Variants in EYA4 observed in about 807,000 individuals in gnomAD.
The protein encoded by EYA4 is protein phosphatase EYA4.
In EYA4, 31 loss-of-function variants were observed where a neutral mutation model predicts 87.9. The ratio of observed to expected loss-of-function variants is 0.35; its 90% CI spans 0.27 to 0.48. The LOEUF (loss-of-function observed/expected upper bound fraction) is 0.48, where lower values mean the gene tolerates loss of function less well. EYA4 is among the 20% of genes least tolerant of loss of function. The pLI is 0.99. For missense variants in EYA4, 678 were observed against 761.4 expected, an observed-to-expected ratio of 0.89 and a Z score of 1.29; for synonymous variants, 263 against 270.6, an observed-to-expected ratio of 0.97 and a Z score of 0.28.
chr6:133,418,401 G>T lies in EYA4; in HGVS notation c.84-28229G>T, dbSNP rs1789929160. Among the ~76,000 whole-genome samples, 4 of 152,288 alleles carry T rather than the reference G, an allele frequency of 2.6e-5. No homozygotes were observed. In the South Asian group the frequency reaches 8.3e-4, roughly 32 times the overall value. On this transcript the variant is annotated intron_variant, in intron 3 of 19. Transcript: ENST00000355286. ...ATCTTACAAATCTCCTCTCCCCACAGTGCCTTACACAGCACCTTGTCTGTA... is the reference window on the plus strand; with the variant it reads ...ATCTTACAAATCTCCTCTCCCCACATTGCCTTACACAGCACCTTGTCTGTA...
chr6:133,258,781 A>G (rs1196530094), intron 1 of EYA4, among the ~76,000 whole-genome samples: 1 of 152,084 alleles, frequency 6.6e-6, no homozygotes, highest in Non-Finnish European at 1.5e-5. Context: ...GAACTTGTAG[A>G]TTCTACAAAG....
At chr6:133,293,983 TAC>T (rs1778704310) in intron 2 of EYA4, among the ~76,000 whole-genome samples, 1 of 45,040 alleles carries the variant, frequency 2.2e-5, no homozygotes, top group African/African-American at 3.2e-4. Context: ...ATATATATAT[TAC>T]ATATATATAT....
rs1460566650 is a variant in EYA4 at position 133,430,523 on chromosome 6, A to G, written c.84-16107A>G. Among the ~76,000 whole-genome samples, 3 of 152,210 alleles carry G rather than the reference A, an allele frequency of 2.0e-5. No homozygotes were observed. In the South Asian group the frequency reaches 6.2e-4, roughly 32 times the overall value. Reference sequence around the variant, plus strand: ...ATTATTAAATTGTTCTACTTTTCATATTTAAGGATGAAAAATATTAGAGAT... The same window carrying G: ...ATTATTAAATTGTTCTACTTTTCATGTTTAAGGATGAAAAATATTAGAGAT... On this transcript the variant is annotated intron_variant, in intron 3 of 19. Transcript: ENST00000355286.
rs560437197 is a variant in EYA4 at position 133,248,619 on chromosome 6, A to G, written c.-66+6870A>G. On this transcript the variant is annotated intron_variant, in intron 1 of 19. Transcript: ENST00000355286. ...TAATGTTTTCAGTATGTTGAAAGTG[A>G]TGATGACTTGGGGGAATCAGCAGAT... is the stretch of plus-strand genomic sequence containing the variant. The G allele has an allele frequency of 2.0e-5, 3 of 152,356 alleles. No individual in the cohort carries two copies. The South Asian group carries it at 6.2e-4, about 32-fold the overall frequency. 9.4% of individuals were successfully genotyped at this position (152,356 alleles called of 1,614,324 possible).
At chr6:133,523,939 G>A (rs1188529441) in intron 18 of EYA4, among the ~76,000 whole-genome samples, 1 of 152,166 alleles carries the variant, frequency 6.6e-6, no homozygotes. Context: ...ATTGACAAGA[G>A]AAGTTCAAAA....
chr6:133,241,770 A>G (rs947680937), intron 1 of EYA4, 21 bp downstream of exon 1: 2 of 151,204 alleles, frequency 1.3e-5, no homozygotes, highest in African/African-American at 4.9e-5. Flanking sequence ...CCTTCTTCCA[A>G]CCCCCGCCCC....
chr6:133,498,376 A>T (rs1465756870), intron 13 of EYA4, among the ~76,000 whole-genome samples: 2 of 152,208 alleles, frequency 1.3e-5, no homozygotes, highest in African/African-American at 4.8e-5. Context: ...AAGGAGAATA[A>T]TAAAAGTAGT....
chr6:133,482,137 T>A (rs768129794), intron 12 of EYA4, among the ~76,000 whole-genome samples: 1 of 152,258 alleles, frequency 6.6e-6, no homozygotes, highest in Non-Finnish European at 1.5e-5. Flanking sequence ...TAAGCAGGGT[T>A]GATTTTTATA....
intron 3 of EYA4, among the ~76,000 whole-genome samples, chr6:133,407,040 T>C (rs1410669123): frequency 6.6e-6 from 1 of 152,204 alleles, no homozygotes; most frequent in East Asian, 1.9e-4. Flanking sequence ...TGGTATGACA[T>C]ATCTCAGTGT....
chr6:133,305,357 C>T, intron 2 of EYA4, among the ~76,000 whole-genome samples: 1 of 152,032 alleles, frequency 6.6e-6, no homozygotes, highest in East Asian at 1.9e-4. Flanking sequence ...TGAGAATAGC[C>T]TAGCTAGGGC....
chr6:133,474,046 C>G (rs1795509197), intron 11 of EYA4, among the ~76,000 whole-genome samples: 1 of 152,018 alleles, frequency 6.6e-6, no homozygotes. Context: ...ATTTCACGAC[C>G]TCTTATCACC....
At chr6:133,294,556 C>T (rs900158852) in intron 2 of EYA4, among the ~76,000 whole-genome samples, 2 of 151,226 alleles carry the variant, frequency 1.3e-5, no homozygotes, top group Admixed American at 1.3e-4. Flanking sequence ...CATCGAAATA[C>T]ATTTCTTCTT....
chr6:133,240,989 G>C (rs970644711), upstream of EYA4, among the ~76,000 whole-genome samples: 8 of 151,874 alleles, frequency 5.3e-5, no homozygotes, highest in African/African-American at 1.9e-4. Flanking sequence ...GCGCGGTCGC[G>C]GGTCCCTCCC....
At chr6:133,509,290 G>T (rs1456822077) in intron 14 of EYA4, among the ~76,000 whole-genome samples, 1 of 151,648 alleles carries the variant, frequency 6.6e-6, no homozygotes, top group East Asian at 1.9e-4. Context: ...GGAATTAAAT[G>T]ATTTCTACTC....
chr6:133,345,295 G>A (rs529622539), intron 2 of EYA4, among the ~76,000 whole-genome samples: 1 of 152,226 alleles, frequency 6.6e-6, no homozygotes, highest in African/African-American at 2.4e-5. Context: ...GATATGATGA[G>A]ATATTGAGTT....
chr6:133,355,638 C>T (rs554370519), intron 2 of EYA4, among the ~76,000 whole-genome samples: 1 of 152,202 alleles, frequency 6.6e-6, no homozygotes, highest in East Asian at 1.9e-4. Context: ...ATGGCTTGTC[C>T]TCATTGATTG....
intron 2 of EYA4, among the ~76,000 whole-genome samples, chr6:133,351,927 A>T (rs1783671213): frequency 6.6e-6 from 1 of 152,098 alleles, no homozygotes; most frequent in Non-Finnish European, 1.5e-5. Flanking sequence ...TTACCCATCT[A>T]GATCATAAGA....
intron 2 of EYA4, among the ~76,000 whole-genome samples, chr6:133,280,352 A>G (rs1428375857): frequency 6.6e-6 from 1 of 152,242 alleles, no homozygotes; most frequent in Non-Finnish European, 1.5e-5. Flanking sequence ...AATGTTTCAT[A>G]ATCATTAAGG....
chr6:133,355,553 C>A (rs1302347206), intron 2 of EYA4, among the ~76,000 whole-genome samples: 1 of 152,126 alleles, frequency 6.6e-6, no homozygotes, highest in East Asian at 1.9e-4. Flanking sequence ...AGCTAGAGGC[C>A]ACTATCCTTA....
Sources: gnomAD v4.1 joint callset for allele counts (sites outside exome capture counted in the v4.1 genomes callset) on GRCh38, gnomAD v4.1.1 for gene constraint, MANE v1.5 for transcripts, NCBI Gene and HGNC (gene_info 2026-07-23, HGNC 2026-07-21) for gene names.